The following PLA2R1 variants were observed in gnomAD, a reference collection of about 807,000 sequenced individuals.
PLA2R1 encodes secretory phospholipase A2 receptor.
A neutral mutation model predicts 195.9 loss-of-function variants in PLA2R1; 158 were observed. The observed-to-expected ratio is 0.81, with a 90% confidence interval of 0.71 to 0.92. The LOEUF (loss-of-function observed/expected upper bound fraction) is 0.92. Among genes scored for constraint, PLA2R1 ranks in the 40% least tolerant of loss-of-function variants. The pLI, the probability that PLA2R1 is intolerant of heterozygous loss-of-function variation, is 0.00. For synonymous variants in PLA2R1, 586 were observed against 598.2 expected, an observed-to-expected ratio of 0.98 and a Z score of 0.30; for missense variants, 1,626 against 1,764.6, an observed-to-expected ratio of 0.92 and a Z score of 1.41.
chr2:159,959,126 C>T lies in PLA2R1; in HGVS notation c.2905-2499G>A, dbSNP rs141672647. ...AATTTTATAACAACTATCCTTTTAT[C>T]TATTTCCTTTCATTTTGCCTCTTTC... On this transcript the variant is annotated intron_variant, in intron 20 of 29. Transcript: ENST00000283243. 4.0e-3 allele frequency among the ~76,000 whole-genome samples: 613 copies of T among 152,312 alleles called. 4 individuals are homozygous for T. The highest frequency in any genetic ancestry group is 0.013 in the African/African-American group (561 of 41,578).
intron 21 of PLA2R1, 58 bp downstream of exon 21, chr2:159,956,452 T>G: frequency 1.1e-6 from 1 of 881,532 alleles, no homozygotes; most frequent in Non-Finnish European, 1.9e-6. Flanking sequence ...GGGGATATTT[T>G]AATAAATACT....
At chr2:159,974,738 G>A (rs1689421802) in intron 17 of PLA2R1, among the ~76,000 whole-genome samples, 1 of 140,254 alleles carries the variant, frequency 7.1e-6, no homozygotes, top group African/African-American at 3.3e-5. Flanking sequence ...TGGTTGTTCT[G>A]CAACTGAGTG....
In PLA2R1 at chr2:159,949,640, A is replaced by C. The variant is rs1483136986; in HGVS notation, c.3677T>G (p.Phe1226Cys). 5.0e-6 allele frequency: 8 copies of C among 1,613,944 alleles called. No individual in the cohort carries two copies. In the African/African-American group the frequency reaches 9.3e-5, roughly 19 times the overall value. Residue 1226 changes from phenylalanine to cysteine, a missense_variant, in exon 25 of 30, where the codon TTT becomes TGT. Transcript: ENST00000283243. ...GRWHSTACES[F>C]LQGAICHVPP... is the part of the protein sequence containing the mutation. ...CACATGACAAATGGCACCTTGCAGA[A>C]ATGACTCGCAGGCTGTGCTATGCCA... is the stretch of plus-strand genomic sequence containing the variant.
chr2:160,038,874 G>C (rs1694338719), intron 3 of PLA2R1, among the ~76,000 whole-genome samples: 1 of 151,960 alleles, frequency 6.6e-6, no homozygotes, highest in Non-Finnish European at 1.5e-5. Context: ...CGGGAGCGGG[G>C]GCAGGCGGGC....
At position 159,938,282 on chromosome 2, in the gene PLA2R1, C is replaced by T. The variant is rs1686925332; in HGVS notation, c.*3496G>A. On this transcript the variant is annotated 3_prime_UTR_variant, in exon 30 of 30. Transcript: ENST00000283243. Reference sequence around the variant, plus strand: ...CAGGCCTTAGGAGACAGAGGGCTGGCTATATAGGAGAAGCATGGACCCATG... The same window carrying T: ...CAGGCCTTAGGAGACAGAGGGCTGGTTATATAGGAGAAGCATGGACCCATG... 6.6e-6 allele frequency: 1 copy of T among 152,186 alleles called. No homozygotes were observed. Among genetic ancestry groups the T allele is most frequent in the African/African-American group, 2.4e-5 (1 of 41,442 alleles). 9.4% of individuals were successfully genotyped at this position (152,186 alleles called of 1,614,324 possible).
At chr2:159,996,617 G>C (rs935778199) in intron 11 of PLA2R1, among the ~76,000 whole-genome samples, 1 of 151,986 alleles carries the variant, frequency 6.6e-6, no homozygotes, top group African/African-American at 2.4e-5. Flanking sequence ...AGTTATTATT[G>C]CTTCAAATAT....
downstream of PLA2R1, among the ~76,000 whole-genome samples, chr2:159,928,937 T>C (rs911282986): frequency 6.6e-6 from 1 of 152,196 alleles, no homozygotes; most frequent in Non-Finnish European, 1.5e-5. Flanking sequence ...TCAGGGATAA[T>C]TGGCAAGCCA....
chr2:159,979,170 A>G (rs973572432), intron 14 of PLA2R1, among the ~76,000 whole-genome samples: 1 of 152,210 alleles, frequency 6.6e-6, no homozygotes, highest in Non-Finnish European at 1.5e-5. Context: ...CATGTGCCGT[A>G]GGATGGATCC....
chr2:160,009,295 G>T (rs915504023), intron 10 of PLA2R1, among the ~76,000 whole-genome samples: 1 of 152,170 alleles, frequency 6.6e-6, no homozygotes, highest in Admixed American at 6.5e-5. Context: ...CCAAATGGTG[G>T]GAGCAACCCA....
At chr2:159,945,880 A>C (rs1687356548) in intron 27 of PLA2R1, 5 of 895,940 alleles carry the variant, frequency 5.6e-6, no homozygotes, top group South Asian at 5.1e-5. Context: ...CATGTTTCTT[A>C]ATGTGACAGT....
the PLA2R1 span, among the ~76,000 whole-genome samples, chr2:159,926,183 T>C: frequency 6.6e-6 from 1 of 152,232 alleles, no homozygotes; most frequent in Non-Finnish European, 1.5e-5. Flanking sequence ...AGACTAAGTA[T>C]ACCTTTTAGT....
intron 8 of PLA2R1, among the ~76,000 whole-genome samples, chr2:160,018,470 A>G (rs1239129771): frequency 6.6e-6 from 1 of 152,180 alleles, no homozygotes; most frequent in Admixed American, 6.5e-5. Context: ...CATGTCTACT[A>G]AAAATACAAA....
the PLA2R1 span, among the ~76,000 whole-genome samples, chr2:159,924,737 G>GC: frequency 6.1e-3 from 918 of 149,602 alleles, 25 homozygotes; most frequent in Admixed American, 0.022. Context: ...GCTGGGGGGG[G>GC]GGCGGTGCGA....
intron 21 of PLA2R1, among the ~76,000 whole-genome samples, chr2:159,956,167 T>G (rs1688073496): frequency 6.6e-6 from 1 of 152,168 alleles, no homozygotes; most frequent in East Asian, 1.9e-4. Flanking sequence ...TAAAAGCATG[T>G]AGGTAAATGT....
chr2:159,961,478 A>C (rs887245033), intron 20 of PLA2R1, among the ~76,000 whole-genome samples: 1 of 152,198 alleles, frequency 6.6e-6, no homozygotes, highest in African/African-American at 2.4e-5. Flanking sequence ...ATGTTTTTAA[A>C]AAGCTCACCT....
At chr2:159,929,727 A>T (rs1686545602), downstream of PLA2R1, among the ~76,000 whole-genome samples, 1 of 152,220 alleles carries the variant, frequency 6.6e-6, no homozygotes, top group African/African-American at 2.4e-5. Flanking sequence ...CACAATTCGC[A>T]ATTGCAAAAA....
intron 8 of PLA2R1, among the ~76,000 whole-genome samples, chr2:160,018,020 G>C (rs1373842376): frequency 1.3e-5 from 2 of 152,146 alleles, no homozygotes; most frequent in Non-Finnish European, 2.9e-5. Context: ...TGTGTCAACT[G>C]TGATTGGGGA....
the PLA2R1 span, among the ~76,000 whole-genome samples, chr2:159,924,729 T>TG: frequency 0.27 from 31,022 of 115,924 alleles, 4,585 homozygotes; most frequent in East Asian, 0.36. Flanking sequence ...CTCTGGGGGC[T>TG]GGGGGGGGGG....
At chr2:160,058,578 C>T (rs1390201078) in intron 1 of PLA2R1, among the ~76,000 whole-genome samples, 2 of 152,194 alleles carry the variant, frequency 1.3e-5, no homozygotes, top group African/African-American at 2.4e-5. Flanking sequence ...TGATCATTTC[C>T]TTTAGCAATG....
Sources: allele counts gnomAD v4.1 joint callset (sites outside exome capture counted in the v4.1 genomes callset), GRCh38; gene constraint gnomAD v4.1.1; transcripts MANE v1.5; gene names NCBI Gene and HGNC (gene_info 2026-07-23, HGNC 2026-07-21).